The following SPRR2B variants were observed in gnomAD, a reference collection of about 807,000 sequenced individuals.
SPRR2B encodes small proline-rich protein 2B.
In SPRR2B, 1 loss-of-function variant was observed where a neutral mutation model predicts 1.0. That is an observed-to-expected ratio of 1.01 (90% CI 0.36 to 4.77). SPRR2B has a LOEUF of 4.77. Among genes scored for constraint, SPRR2B ranks in the 30% most tolerant of loss-of-function variants. The pLI is 0.16. For missense variants in SPRR2B, 53 were observed against 88.7 expected, an observed-to-expected ratio of 0.60 and a Z score of 1.62; for synonymous variants, 27 against 33.4, an observed-to-expected ratio of 0.81 and a Z score of 0.66.
At chr1:153,078,426 A>G in the SPRR2B span, among the ~76,000 whole-genome samples, 2 of 152,214 alleles carry the variant, frequency 1.3e-5, no homozygotes, top group South Asian at 4.1e-4. Flanking sequence ...GGTTAGTTAC[A>G]TATGTATACA....
At chr1:153,073,292 A>G (rs1188382547), upstream of SPRR2B, among the ~76,000 whole-genome samples, 1 of 152,218 alleles carries the variant, frequency 6.6e-6, no homozygotes, top group African/African-American at 2.4e-5. Context: ...ATTTCACTCA[A>G]TAGGTCCCCT....
At chr1:153,084,967 T>C in the SPRR2B span, among the ~76,000 whole-genome samples, 1 of 152,246 alleles carries the variant, frequency 6.6e-6, no homozygotes. Context: ...GAATTGATGT[T>C]ATACCACAAT....
Position 153,071,611 on chromosome 1 carries a change from A to T in SPRR2B, c.-62T>A, listed in dbSNP as rs1187072164. Among the ~76,000 whole-genome samples the T allele has an allele frequency of 6.6e-6, 1 of 152,176 alleles. No homozygotes were observed. Among genetic ancestry groups the T allele is most frequent in the Non-Finnish European group, 1.5e-5 (1 of 68,018 alleles). On this transcript the variant is annotated 5_prime_UTR_variant, in exon 1 of 2. Coordinates refer to ENST00000368755, the MANE Select transcript of SPRR2B (RefSeq NM_001388198.1). ...ATCGGTGCTCGAGTACCAGGAGTTT[A>T]GGAGTTGGGCAGCAGAGAACCTCTT... is the stretch of plus-strand genomic sequence containing the variant.
At chr1:153,083,485 G>A in the SPRR2B span, among the ~76,000 whole-genome samples, 3 of 152,244 alleles carry the variant, frequency 2.0e-5, no homozygotes, top group South Asian at 2.1e-4. Context: ...CCAACTGGAT[G>A]CAGCCAGGTG....
chr1:153,083,564 A>T, the SPRR2B span, among the ~76,000 whole-genome samples: 4 of 152,224 alleles, frequency 2.6e-5, no homozygotes, highest in African/African-American at 9.6e-5. Context: ...GAAGGCACTG[A>T]GAGTGAACCA....
the SPRR2B span, among the ~76,000 whole-genome samples, chr1:153,083,152 T>C: frequency 6.6e-6 from 1 of 152,028 alleles, no homozygotes. Flanking sequence ...CGTGAAGAAA[T>C]AGATAATTTG....
Position 153,070,600 on chromosome 1 carries a change from T to G in SPRR2B, c.*21A>C, listed in dbSNP as rs767447141. On this transcript the variant is annotated 3_prime_UTR_variant, in exon 2 of 2. Transcript: ENST00000368755. Reference sequence around the variant, plus strand: ...GCCAATTATCCTTATCCTCTCATGCTCCTGATGAATCCTGAAGCTGTTACT... The same window carrying G: ...GCCAATTATCCTTATCCTCTCATGCGCCTGATGAATCCTGAAGCTGTTACT... 16 of 1,608,828 alleles carry G rather than the reference T, an allele frequency of 9.9e-6. No individual in the cohort carries two copies.
chr1:153,082,388 G>A, the SPRR2B span, among the ~76,000 whole-genome samples: 1 of 152,126 alleles, frequency 6.6e-6, no homozygotes, highest in African/African-American at 2.4e-5. Flanking sequence ...CCACCCAACT[G>A]CAGCAGGATA....
chr1:153,072,543 A>C (rs1482939291), upstream of SPRR2B, among the ~76,000 whole-genome samples: 1 of 152,204 alleles, frequency 6.6e-6, no homozygotes, highest in African/African-American at 2.4e-5. Flanking sequence ...GGGTCTTCTC[A>C]GAGTAGAGAA....
At chr1:153,081,538 AAAC>A in the SPRR2B span, among the ~76,000 whole-genome samples, 1 of 152,224 alleles carries the variant, frequency 6.6e-6, no homozygotes, top group African/African-American at 2.4e-5. Flanking sequence ...TCTGTATGAG[AAAC>A]AACAAAGAGA....
the SPRR2B span, among the ~76,000 whole-genome samples, chr1:153,078,648 A>G: frequency 2.0e-4 from 30 of 152,300 alleles, no homozygotes; most frequent in East Asian, 5.6e-3. Flanking sequence ...TTTGCTGAGA[A>G]TGATGGTTTC....
At chr1:153,086,439 T>C in the SPRR2B span, among the ~76,000 whole-genome samples, 1 of 152,128 alleles carries the variant, frequency 6.6e-6, no homozygotes, top group Non-Finnish European at 1.5e-5. Flanking sequence ...AAAAACAGCA[T>C]TACATAATGG....
the SPRR2B span, among the ~76,000 whole-genome samples, chr1:153,087,148 T>C: frequency 1.3e-5 from 2 of 151,912 alleles, no homozygotes; most frequent in Admixed American, 1.3e-4. Flanking sequence ...AACGTGGTAG[T>C]GGGCACCTGT....
the SPRR2B span, among the ~76,000 whole-genome samples, chr1:153,086,072 A>C: frequency 6.6e-6 from 1 of 152,370 alleles, no homozygotes; most frequent in Middle Eastern, 3.4e-3. Flanking sequence ...CAGCAACTAC[A>C]GAAACACACT....
chr1:153,079,995 G>A, the SPRR2B span, among the ~76,000 whole-genome samples: 17 of 152,270 alleles, frequency 1.1e-4, no homozygotes, highest in African/African-American at 3.6e-4. Context: ...TCCTATCCAT[G>A]AGCATGGAAT....
At chr1:153,084,673 C>T in the SPRR2B span, among the ~76,000 whole-genome samples, 1 of 152,240 alleles carries the variant, frequency 6.6e-6, no homozygotes, top group South Asian at 2.1e-4. Flanking sequence ...CTGCCCCCAG[C>T]CCAATAGTAT....
At chr1:153,071,982 G>C (rs150463673), upstream of SPRR2B, among the ~76,000 whole-genome samples, 80 of 152,204 alleles carry the variant, frequency 5.3e-4, no homozygotes, top group African/African-American at 1.8e-3. Context: ...TTCTTTCCTC[G>C]TACAATTTGC....
upstream of SPRR2B, among the ~76,000 whole-genome samples, chr1:153,075,468 T>G (rs76016275): frequency 4.6e-5 from 7 of 152,048 alleles, no homozygotes; most frequent in South Asian, 1.0e-3. Context: ...GCCAGACAGA[T>G]AGAAATCATA....
the SPRR2B span, among the ~76,000 whole-genome samples, chr1:153,086,815 T>A: frequency 6.6e-6 from 1 of 152,060 alleles, no homozygotes; most frequent in Non-Finnish European, 1.5e-5. Context: ...CTAAAATCCA[T>A]CACAAGATAG....
Sources: gnomAD v4.1 joint callset for allele counts (sites outside exome capture counted in the v4.1 genomes callset) on GRCh38, gnomAD v4.1.1 for gene constraint, MANE v1.5 for transcripts, NCBI Gene and HGNC (gene_info 2026-07-23, HGNC 2026-07-21) for gene names.